Variants in ANKS1B observed in about 807,000 individuals in gnomAD.
ANKS1B encodes the protein ankyrin repeat and sterile alpha motif domain-containing protein 1B.
In ANKS1B, 36 loss-of-function variants were observed where a neutral mutation model predicts 148.3. That is an observed-to-expected ratio of 0.24 (90% CI 0.19 to 0.32). ANKS1B has a LOEUF of 0.32. Ranked by LOEUF, ANKS1B falls within the 10% of genes least tolerant of loss-of-function variation. The pLI is 1.00. For missense variants in ANKS1B, 1,157 were observed against 1,542.6 expected (o/e 0.75, Z 4.19); for synonymous variants, 542 against 560.8 (o/e 0.97, Z 0.47).
intron 8 of ANKS1B, among the ~76,000 whole-genome samples, chr12:99,753,811 C>T (rs2061330362): frequency 6.6e-6 from 1 of 151,972 alleles, no homozygotes; most frequent in African/African-American, 2.4e-5. Flanking sequence ...CACCTGAGGT[C>T]AGGAGTTCGA....
intron 10 of ANKS1B, among the ~76,000 whole-genome samples, chr12:99,453,512 C>CT (rs1467854995): frequency 2.6e-5 from 4 of 152,092 alleles, no homozygotes; most frequent in Non-Finnish European, 5.9e-5. Flanking sequence ...GAAACTGAAC[C>CT]TTGTTAACAG....
chr12:99,713,418 G>T (rs1002629346), intron 8 of ANKS1B, among the ~76,000 whole-genome samples: 1 of 151,764 alleles, frequency 6.6e-6, no homozygotes, highest in Non-Finnish European at 1.5e-5. Flanking sequence ...TTGTTTAACA[G>T]TTCTTCCCTT....
At chr12:99,293,086 G>C (rs1429682798) in intron 12 of ANKS1B, among the ~76,000 whole-genome samples, 1 of 152,146 alleles carries the variant, frequency 6.6e-6, no homozygotes, top group Non-Finnish European at 1.5e-5. Flanking sequence ...CAATAGTAAA[G>C]ACTTGGAACC....
At chr12:99,598,187 T>G (rs569857956) in intron 9 of ANKS1B, among the ~76,000 whole-genome samples, 3 of 152,126 alleles carry the variant, frequency 2.0e-5, no homozygotes, top group African/African-American at 7.2e-5. Context: ...GAAGGATGAA[T>G]GAACACAGGA....
At chr12:99,454,206 A>G (rs2095807511) in intron 10 of ANKS1B, among the ~76,000 whole-genome samples, 1 of 152,232 alleles carries the variant, frequency 6.6e-6, no homozygotes, top group Non-Finnish European at 1.5e-5. Flanking sequence ...ATAAAAAGAA[A>G]ACAAAATTGC....
chr12:99,265,815 G>T (rs368884819), intron 12 of ANKS1B, among the ~76,000 whole-genome samples: 1 of 152,020 alleles, frequency 6.6e-6, no homozygotes, highest in East Asian at 1.9e-4. Flanking sequence ...TCTTTACTTC[G>T]TGCTTTAACC....
At chr12:99,364,565 T>A (rs1473932016) in intron 12 of ANKS1B, among the ~76,000 whole-genome samples, 1 of 152,212 alleles carries the variant, frequency 6.6e-6, no homozygotes, top group Non-Finnish European at 1.5e-5. Flanking sequence ...TAATTACTCA[T>A]GACACTGCAT....
intron 12 of ANKS1B, among the ~76,000 whole-genome samples, chr12:99,356,401 C>T (rs186802020): frequency 1.0e-3 from 157 of 152,252 alleles, no homozygotes; most frequent in African/African-American, 3.4e-3. Flanking sequence ...TGCTGACCAC[C>T]ACGCACTGGC....
At chr12:99,644,223 C>T (rs1292657962) in intron 9 of ANKS1B, among the ~76,000 whole-genome samples, 1 of 152,070 alleles carries the variant, frequency 6.6e-6, no homozygotes, top group Non-Finnish European at 1.5e-5. Context: ...TAGCAAGTAT[C>T]TCCTTTCCTC....
chr12:99,113,147 A>G (rs919180545), intron 15 of ANKS1B, among the ~76,000 whole-genome samples: 1 of 152,214 alleles, frequency 6.6e-6, no homozygotes, highest in Non-Finnish European at 1.5e-5. Context: ...GCCATTGCCA[A>G]TATAGGGTGA....
intron 11 of ANKS1B, among the ~76,000 whole-genome samples, chr12:99,433,489 G>T (rs549967118): frequency 1.3e-5 from 2 of 152,078 alleles, no homozygotes; most frequent in Non-Finnish European, 2.9e-5. Context: ...CTGCTAAGAG[G>T]TCCTGAACCA....
intron 22 of ANKS1B, among the ~76,000 whole-genome samples, chr12:98,787,792 AACCT>A (rs1407350719): frequency 4.6e-5 from 7 of 151,976 alleles, no homozygotes; most frequent in African/African-American, 1.7e-4. Flanking sequence ...TGGTGGTGGG[AACCT>A]GTAGTCCCAG....
chr12:99,252,425 C>A (rs547620929), intron 12 of ANKS1B, among the ~76,000 whole-genome samples: 1 of 152,018 alleles, frequency 6.6e-6, no homozygotes, highest in African/African-American at 2.4e-5. Context: ...AAACAAGACA[C>A]GGGGATAGTA....
At chr12:99,916,729 G>A (rs1181278319) in intron 1 of ANKS1B, among the ~76,000 whole-genome samples, 8 of 152,210 alleles carry the variant, frequency 5.3e-5, no homozygotes, top group African/African-American at 9.6e-5. Flanking sequence ...AAAACCATAC[G>A]GCTCATGGAT....
chr12:98,752,415 C>G (rs573252755), intron 25 of ANKS1B, among the ~76,000 whole-genome samples: 19 of 152,148 alleles, frequency 1.2e-4, no homozygotes, highest in African/African-American at 4.6e-4. Context: ...CGTGCCACCA[C>G]GCCCAGCTGA....
chr12:98,894,429 A>G lies in ANKS1B; in HGVS notation c.2779-62293T>C, dbSNP rs376252411. On this transcript the variant is annotated intron_variant, in intron 17 of 26. Transcript: ENST00000683438. ...ATCGATAACCAGAACAGGTTTGAAA[A>G]AAAAAGCCCCCCTCCCGCCCCCTCC... 9.2e-5 allele frequency among the ~76,000 whole-genome samples: 14 copies of G among 152,192 alleles called. 1 individual carries two copies. The highest frequency in any genetic ancestry group is 3.1e-4 in the African/African-American group (13 of 41,550).
intron 16 of ANKS1B, among the ~76,000 whole-genome samples, chr12:99,074,709 C>T (rs1207730934): frequency 2.0e-5 from 3 of 152,142 alleles, no homozygotes; most frequent in East Asian, 1.9e-4. Context: ...CATGCCTTAT[C>T]CCTTTGTAAA....
chr12:99,960,263 C>T (rs1348726936), intron 1 of ANKS1B, among the ~76,000 whole-genome samples: 2 of 152,192 alleles, frequency 1.3e-5, no homozygotes, highest in African/African-American at 2.4e-5. Flanking sequence ...AAGCTTTACC[C>T]TTTTCTTCTG....
chr12:98,947,992 C>G (rs1183507075), intron 17 of ANKS1B, among the ~76,000 whole-genome samples: 1 of 152,022 alleles, frequency 6.6e-6, no homozygotes, highest in African/African-American at 2.4e-5. Context: ...CAGCCTCTAT[C>G]TTTAGAAATG....
Sources: gnomAD v4.1 joint callset for allele counts (sites outside exome capture counted in the v4.1 genomes callset) on GRCh38, gnomAD v4.1.1 for gene constraint, MANE v1.5 for transcripts, NCBI Gene and HGNC (gene_info 2026-07-23, HGNC 2026-07-21) for gene names.